RORA: variants seen among roughly 807,000 people sequenced by gnomAD.
RORA encodes RAR related orphan receptor A, also known as nuclear receptor ROR-alpha.
A neutral mutation model predicts 69.5 loss-of-function variants in RORA; 7 were observed. The ratio of observed to expected loss-of-function variants is 0.10; its 90% CI spans 0.06 to 0.19. The LOEUF (loss-of-function observed/expected upper bound fraction) is 0.19. Ranked by LOEUF, RORA falls within the 10% of genes least tolerant of loss-of-function variation. RORA has a pLI of 1.00. For synonymous variants in RORA, 261 were observed against 240.8 expected (o/e 1.08, Z -0.78); for missense variants, 457 against 663.0 (o/e 0.69, Z 3.41).
At chr15:60,706,050 G>T (rs1052875756) in intron 1 of RORA, among the ~76,000 whole-genome samples, 1 of 152,160 alleles carries the variant, frequency 6.6e-6, no homozygotes, top group African/African-American at 2.4e-5. Context: ...AAGGGCACAC[G>T]CATAGTTATT....
chr15:60,516,004 TA>T lies in RORA; in HGVS notation c.283-1248del, dbSNP rs1437839420. Among the ~76,000 whole-genome samples the T allele has an allele frequency of 0.025, 40 of 1,598 alleles. 6 individuals carry two copies. The East Asian group carries it at 0.53, about 21-fold the overall frequency. 1.0% of individuals were successfully genotyped at this position (1,598 alleles called of 152,430 possible). On this transcript the variant is annotated intron_variant, in intron 3 of 10. Transcript: ENST00000335670. ...ATTTATATATATTTATATATATTTA[TA>T]TATATTTATATATATTTATATATTT... is the stretch of plus-strand genomic sequence containing the variant.
At chr15:60,981,207 G>A (rs1319942412) in intron 1 of RORA, among the ~76,000 whole-genome samples, 1 of 151,286 alleles carries the variant, frequency 6.6e-6, no homozygotes, top group Non-Finnish European at 1.5e-5. Context: ...TATATAATAA[G>A]TTGCTTCTCT....
At chr15:61,005,876 C>G (rs1364411108) in intron 1 of RORA, among the ~76,000 whole-genome samples, 1 of 152,162 alleles carries the variant, frequency 6.6e-6, no homozygotes, top group Non-Finnish European at 1.5e-5. Context: ...GTGCCTTCCT[C>G]ATGAATACAG....
Position 60,493,250 on chromosome 15 carries a change from A to G in RORA, c.*4205T>C, listed in dbSNP as rs575683536. ...ATTATTATCTGGCTGCCCCTCAACA[A>G]TAACAAGTGATTCGATCGACATTCC... On this transcript the variant is annotated 3_prime_UTR_variant, in exon 11 of 11. Coordinates refer to ENST00000335670, the MANE Select transcript of RORA (RefSeq NM_134261.3). The G allele has an allele frequency of 6.6e-6, 1 of 151,878 alleles. No individual in the cohort carries two copies. The highest frequency in any genetic ancestry group is 1.9e-4 in the East Asian group (1 of 5,188). The allele number at this position is 151,878 out of a possible 1,614,324, so 9.4% of individuals were successfully genotyped here. A position where few individuals can be genotyped will look rare whatever the true frequency, so the allele number is the denominator to read the frequency against.
At chr15:61,156,084 A>C (rs2079439655) in intron 1 of RORA, among the ~76,000 whole-genome samples, 2 of 152,108 alleles carry the variant, frequency 1.3e-5, no homozygotes, top group African/African-American at 4.8e-5. Context: ...AGAAAAAAAA[A>C]ATCTCATGAT....
At chr15:61,090,386 AAC>A (rs1200686984) in intron 1 of RORA, among the ~76,000 whole-genome samples, 1 of 152,226 alleles carries the variant, frequency 6.6e-6, no homozygotes, top group Non-Finnish European at 1.5e-5. Context: ...GGCAGTTGCC[AAC>A]ACACTGTCAT....
chr15:61,130,166 A>C (rs774157259), intron 1 of RORA, among the ~76,000 whole-genome samples: 1 of 152,254 alleles, frequency 6.6e-6, no homozygotes, highest in Non-Finnish European at 1.5e-5. Context: ...CTCTGAAAAG[A>C]AATAATATAT....
At chr15:61,189,853 T>C (rs1282266795) in intron 1 of RORA, among the ~76,000 whole-genome samples, 3 of 5,736 alleles carry the variant, frequency 5.2e-4, no homozygotes, top group Admixed American at 6.0e-3. Flanking sequence ...CGAGACTCTG[T>C]CTCAAAAAAA....
At chr15:60,645,484 T>A (rs958965060) in intron 2 of RORA, among the ~76,000 whole-genome samples, 1 of 150,352 alleles carries the variant, frequency 6.7e-6, no homozygotes, top group African/African-American at 2.5e-5. Context: ...CTCTGCCTCC[T>A]GGGTTCAAGC....
chr15:60,972,532 A>G (rs1053203337), intron 1 of RORA, among the ~76,000 whole-genome samples: 27 of 152,154 alleles, frequency 1.8e-4, no homozygotes, highest in African/African-American at 6.5e-4. Flanking sequence ...AGTGTTCGTT[A>G]TGAGTATGGC....
intron 1 of RORA, among the ~76,000 whole-genome samples, chr15:60,974,774 C>A (rs1893829590): frequency 6.6e-6 from 1 of 152,124 alleles, no homozygotes; most frequent in South Asian, 2.1e-4. Flanking sequence ...AGCCTCCACC[C>A]CAGCGTGGGG....
intron 2 of RORA, among the ~76,000 whole-genome samples, chr15:60,596,591 G>C (rs2068671459): frequency 6.6e-6 from 1 of 152,022 alleles, no homozygotes; most frequent in South Asian, 2.1e-4. Flanking sequence ...TCACAGCCTT[G>C]CTTAAATATG....
At chr15:61,170,780 G>T (rs1044765021) in intron 1 of RORA, among the ~76,000 whole-genome samples, 1 of 152,170 alleles carries the variant, frequency 6.6e-6, no homozygotes, top group African/African-American at 2.4e-5. Flanking sequence ...GCTTAGTTAG[G>T]TAAAGCAGAG....
chr15:60,587,366 C>G (rs2068365129), intron 2 of RORA, among the ~76,000 whole-genome samples: 1 of 152,084 alleles, frequency 6.6e-6, no homozygotes, highest in African/African-American at 2.4e-5. Context: ...ATTTTTTTCC[C>G]ATATAAATGC....
At chr15:60,828,132 G>T (rs2072990923) in intron 1 of RORA, among the ~76,000 whole-genome samples, 1 of 152,182 alleles carries the variant, frequency 6.6e-6, no homozygotes, top group African/African-American at 2.4e-5. Flanking sequence ...AGGCGGGCAG[G>T]GAGCTGACAC....
chr15:60,566,923 G>A (rs1221974783), intron 2 of RORA, among the ~76,000 whole-genome samples: 1 of 152,154 alleles, frequency 6.6e-6, no homozygotes, highest in Non-Finnish European at 1.5e-5. Context: ...AAAGGGCCTT[G>A]AATACTCTGT....
intron 1 of RORA, among the ~76,000 whole-genome samples, chr15:61,157,105 G>C (rs2079450591): frequency 6.6e-6 from 1 of 152,174 alleles, no homozygotes; most frequent in African/African-American, 2.4e-5. Context: ...AATTAAGGTA[G>C]CACACGGCAC....
chr15:61,157,496 A>AT (rs1316007601), intron 1 of RORA, among the ~76,000 whole-genome samples: 3 of 152,156 alleles, frequency 2.0e-5, no homozygotes, highest in African/African-American at 7.2e-5. Context: ...TCAGCTAGGT[A>AT]TTTGCACTAC....
intron 2 of RORA, among the ~76,000 whole-genome samples, chr15:60,633,068 A>C (rs2069771284): frequency 6.6e-6 from 1 of 152,236 alleles, no homozygotes; most frequent in South Asian, 2.1e-4. Context: ...TTCTTAAATA[A>C]AGTTGGCAGC....
Sources: allele counts gnomAD v4.1 joint callset (sites outside exome capture counted in the v4.1 genomes callset), GRCh38; gene constraint gnomAD v4.1.1; transcripts MANE v1.5; gene names NCBI Gene and HGNC (gene_info 2026-07-23, HGNC 2026-07-21).